KCNH8: variants seen among roughly 807,000 people sequenced by gnomAD.
KCNH8 encodes the protein voltage-gated delayed rectifier potassium channel KCNH8.
A neutral mutation model predicts 103.6 loss-of-function variants in KCNH8; 70 were observed. The ratio of observed to expected loss-of-function variants is 0.68; its 90% CI spans 0.56 to 0.82. KCNH8 has a LOEUF of 0.82. Ranked by LOEUF, KCNH8 falls within the 40% of genes least tolerant of loss-of-function variation. The probability of loss-of-function intolerance (pLI) is 0.00; values close to 1 mark genes in which losing one functional copy is unlikely to be tolerated. For synonymous variants in KCNH8, 498 were observed against 489.4 expected (o/e 1.02, Z -0.23); for missense variants, 1,217 against 1,329.9 (o/e 0.92, Z 1.32).
intron 3 of KCNH8, among the ~76,000 whole-genome samples, chr3:19,290,561 G>A (rs919098926): frequency 1.6e-4 from 25 of 152,110 alleles, no homozygotes; most frequent in East Asian, 3.9e-4. Flanking sequence ...ATTGATTTGC[G>A]TATGTTGAAC....
At chr3:19,488,357 AG>A (rs2068253425) in intron 11 of KCNH8, among the ~76,000 whole-genome samples, 1 of 152,160 alleles carries the variant, frequency 6.6e-6, no homozygotes, top group Non-Finnish European at 1.5e-5. Context: ...CGGCTTTCTC[AG>A]CGGCTTGTTG....
chr3:19,456,693 C>G (rs2067536893), intron 10 of KCNH8, 75 bp from the exon 11 acceptor site: 1 of 920,570 alleles, frequency 1.1e-6, no homozygotes, highest in Non-Finnish European at 1.7e-6. Context: ...AAAAATGAAG[C>G]CTGTAAGTCA....
chr3:19,282,379 A>C (rs2064769257), intron 3 of KCNH8, among the ~76,000 whole-genome samples: 1 of 152,158 alleles, frequency 6.6e-6, no homozygotes, highest in Admixed American at 6.6e-5. Context: ...GTACCTGTCC[A>C]ATGTAAGTTC....
intron 8 of KCNH8, among the ~76,000 whole-genome samples, chr3:19,446,144 A>G (rs1280496113): frequency 3.3e-5 from 5 of 152,024 alleles, no homozygotes; most frequent in Non-Finnish European, 7.4e-5. Context: ...ATAACTATTC[A>G]TATTTTTCAC....
At chr3:19,175,717 A>G (rs2063393481) in intron 1 of KCNH8, among the ~76,000 whole-genome samples, 1 of 152,148 alleles carries the variant, frequency 6.6e-6, no homozygotes. Context: ...AATACTGTCA[A>G]ATCACCTCCT....
chr3:19,151,311 C>G (rs1364439535), intron 1 of KCNH8, among the ~76,000 whole-genome samples: 1 of 152,038 alleles, frequency 6.6e-6, no homozygotes, highest in African/African-American at 2.4e-5. Flanking sequence ...AAAATTGCCA[C>G]CTACTCAAAA....
At position 19,534,407 on chromosome 3, in the gene KCNH8, A is replaced by G; in HGVS notation, c.*308A>G. ...GAAGTCCTAGACAAAGAACTTGTGG[A>G]TGACTTTTGTCCCATGTGGCTTTTG... On this transcript the variant is annotated 3_prime_UTR_variant, in exon 16 of 16. Coordinates refer to ENST00000328405, the MANE Select transcript of KCNH8 (RefSeq NM_144633.3). The G allele has an allele frequency of 8.5e-6, 3 of 354,116 alleles. No individual in the cohort carries two copies. The highest frequency in any genetic ancestry group is 1.5e-5 in the Non-Finnish European group (3 of 196,518). The allele number at this position is 354,116 out of a possible 1,614,324, so 21.9% of individuals were successfully genotyped here. A position where few individuals can be genotyped will look rare whatever the true frequency, so the allele number is the denominator to read the frequency against.
intron 12 of KCNH8, among the ~76,000 whole-genome samples, chr3:19,510,794 C>G (rs148716116): frequency 3.3e-3 from 501 of 152,256 alleles, no homozygotes; most frequent in Non-Finnish European, 5.9e-3. Flanking sequence ...GCTCTTAAAA[C>G]AGTTTCAACT....
At chr3:19,408,181 C>G (rs2066723615) in intron 7 of KCNH8, among the ~76,000 whole-genome samples, 1 of 152,036 alleles carries the variant, frequency 6.6e-6, no homozygotes, top group South Asian at 2.1e-4. Context: ...GCTTGTAGGA[C>G]AAACTGCACA....
chr3:19,355,261 A>C (rs1195283022), intron 5 of KCNH8, among the ~76,000 whole-genome samples: 1 of 152,220 alleles, frequency 6.6e-6, no homozygotes. Flanking sequence ...GTGGAGAAAT[A>C]GGAACACTTT....
At chr3:19,287,333 C>G (rs2064845752) in intron 3 of KCNH8, among the ~76,000 whole-genome samples, 2 of 151,948 alleles carry the variant, frequency 1.3e-5, no homozygotes, top group Admixed American at 1.3e-4. Flanking sequence ...AGAGATGTGC[C>G]CATTGGGTTT....
chr3:19,374,934 C>T (rs1010563602), intron 5 of KCNH8, among the ~76,000 whole-genome samples: 11 of 151,908 alleles, frequency 7.2e-5, no homozygotes, highest in Non-Finnish European at 1.6e-4. Context: ...AATATTGGCC[C>T]CCACTCTCTT....
At chr3:19,288,166 C>A (rs114174017) in intron 3 of KCNH8, among the ~76,000 whole-genome samples, 17 of 130,906 alleles carry the variant, frequency 1.3e-4, no homozygotes, top group Admixed American at 1.5e-4. Flanking sequence ...CTTCTTGCAC[C>A]GGTGTATCAA....
At chr3:19,198,046 C>T (rs1411387944) in intron 1 of KCNH8, among the ~76,000 whole-genome samples, 1 of 152,034 alleles carries the variant, frequency 6.6e-6, no homozygotes, top group Non-Finnish European at 1.5e-5. Context: ...TTAAGGACTG[C>T]TGCAATAATT....
intron 2 of KCNH8, among the ~76,000 whole-genome samples, chr3:19,257,854 A>G (rs1240285077): frequency 1.3e-5 from 2 of 152,046 alleles, no homozygotes; most frequent in African/African-American, 4.8e-5. Flanking sequence ...TCTAGATGAT[A>G]GCTGGGTTGG....
chr3:19,150,869 A>G (rs572071035), intron 1 of KCNH8, among the ~76,000 whole-genome samples: 19 of 152,278 alleles, frequency 1.2e-4, no homozygotes, highest in African/African-American at 4.6e-4. Context: ...AAATCTGACA[A>G]TCAGAGAAGC....
intron 5 of KCNH8, among the ~76,000 whole-genome samples, chr3:19,371,707 A>G (rs1288161790): frequency 6.7e-6 from 1 of 149,076 alleles, no homozygotes; most frequent in African/African-American, 2.5e-5. Flanking sequence ...CTGAATGGTA[A>G]TGCCTAGGTT....
Position 19,169,424 on chromosome 3 carries a change from T to A in KCNH8, c.76+20629T>A, listed in dbSNP as rs566510955. On this transcript the variant is annotated intron_variant, in intron 1 of 15. Transcript: ENST00000328405. ...CAGGCGCCTGGCTAATTTTTTGTAT[T>A]TTTAGTAGAGATGGGTTTTCACCGT... Among the ~76,000 whole-genome samples, 9 of 152,174 alleles carry A rather than the reference T, an allele frequency of 5.9e-5. No homozygotes were observed. In the South Asian group the frequency reaches 1.9e-3, roughly 32 times the overall value.
intron 7 of KCNH8, among the ~76,000 whole-genome samples, chr3:19,415,562 A>G (rs2066851218): frequency 6.6e-6 from 1 of 151,984 alleles, no homozygotes. Flanking sequence ...GTACTTATTA[A>G]TAAAAGTAGA....
Sources: gnomAD v4.1 joint callset for allele counts (sites outside exome capture counted in the v4.1 genomes callset) on GRCh38, gnomAD v4.1.1 for gene constraint, MANE v1.5 for transcripts, NCBI Gene and HGNC (gene_info 2026-07-23, HGNC 2026-07-21) for gene names.